Variants in HSD17B6 observed in about 807,000 individuals in gnomAD.
HSD17B6 encodes the protein hydroxysteroid 17-beta dehydrogenase 6.
HSD17B6 carries 16 observed loss-of-function variants against 26.4 expected under a neutral mutation model. That is an observed-to-expected ratio of 0.61 (90% CI 0.41 to 0.92). The LOEUF (loss-of-function observed/expected upper bound fraction) is 0.92, where lower values mean the gene tolerates loss of function less well. HSD17B6 is among the 40% of genes least tolerant of loss of function. The pLI is 0.00. For missense variants in HSD17B6, 357 were observed against 386.1 expected (o/e 0.92, Z 0.63); for synonymous variants, 139 against 153.0 (o/e 0.91, Z 0.68).
intron 4 of HSD17B6, among the ~76,000 whole-genome samples, chr12:56,786,249 G>GTTT (rs56722036): frequency 6.3e-5 from 8 of 127,134 alleles, no homozygotes; most frequent in Non-Finnish European, 8.4e-5. Context: ...TAAGTTGTGT[G>GTTT]TTTTTTTTTT....
At chr12:56,770,866 T>C (rs1252766443) in intron 1 of HSD17B6, among the ~76,000 whole-genome samples, 2 of 152,168 alleles carry the variant, frequency 1.3e-5, no homozygotes, top group African/African-American at 4.8e-5. Flanking sequence ...TGTCTAGTAC[T>C]GTATGTAATC....
chr12:56,764,886 A>G (rs1954288531), intron 1 of HSD17B6, among the ~76,000 whole-genome samples: 1 of 152,086 alleles, frequency 6.6e-6, no homozygotes, highest in Non-Finnish European at 1.5e-5. Flanking sequence ...GTGCAGTGGC[A>G]TGATCTCAGC....
chr12:56,784,014 C>T (rs1426449854), intron 3 of HSD17B6, among the ~76,000 whole-genome samples: 2 of 148,866 alleles, frequency 1.3e-5, no homozygotes, highest in African/African-American at 2.5e-5. Context: ...GCGGCTGGGC[C>T]GAGGCGCTCC....
intron 2 of HSD17B6, among the ~76,000 whole-genome samples, chr12:56,780,027 T>C (rs1407217287): frequency 6.6e-6 from 1 of 152,230 alleles, no homozygotes. Context: ...GAAGACACCA[T>C]TCCAGTCTTC....
chr12:56,784,003 C>T (rs1042216677), intron 3 of HSD17B6, among the ~76,000 whole-genome samples: 29 of 146,392 alleles, frequency 2.0e-4, no homozygotes, highest in African/African-American at 6.6e-4. Context: ...CAGACGGGGT[C>T]GCGGCTGGGC....
intron 3 of HSD17B6, among the ~76,000 whole-genome samples, chr12:56,783,722 G>A: frequency 1.4e-5 from 2 of 147,374 alleles, no homozygotes; most frequent in Non-Finnish European, 3.0e-5. Flanking sequence ...CGGACGGGAC[G>A]GCTGGCCGGG....
At chr12:56,778,499 G>A (rs1235563983) in intron 2 of HSD17B6, among the ~76,000 whole-genome samples, 2 of 151,918 alleles carry the variant, frequency 1.3e-5, no homozygotes, top group Non-Finnish European at 2.9e-5. Context: ...TGTTGGCCAG[G>A]CTGGTGACCT....
chr12:56,764,068 C>CAAAAAAAAAAAAAAAAAAAAAAGAAAA (rs1954268249), intron 1 of HSD17B6, among the ~76,000 whole-genome samples: 1 of 74,342 alleles, frequency 1.3e-5, no homozygotes, highest in African/African-American at 6.2e-5. Context: ...GACCGTGTCT[C>CAAAAAAAAAAAAAAAAAAAAAAGAAAA]AAAAAAAAAA....
At chr12:56,768,740 G>C (rs894068134) in intron 1 of HSD17B6, among the ~76,000 whole-genome samples, 10 of 124,398 alleles carry the variant, frequency 8.0e-5, no homozygotes, top group Non-Finnish European at 1.5e-4. Context: ...GAGGCAAACA[G>C]AAGGTTTGCC....
intron 4 of HSD17B6, among the ~76,000 whole-genome samples, chr12:56,785,557 A>C (rs1472329450): frequency 6.6e-6 from 1 of 152,246 alleles, no homozygotes; most frequent in African/African-American, 2.4e-5. Context: ...GATGACTATC[A>C]TGGTTGAGGA....
At chr12:56,770,260 C>G (rs575785605) in intron 1 of HSD17B6, 7 of 152,468 alleles carry the variant, frequency 4.6e-5, no homozygotes, top group Non-Finnish European at 1.0e-4. Flanking sequence ...CTTTACTTGC[C>G]TACACCCTAA....
Position 56,787,156 on chromosome 12 carries a change from T to C in HSD17B6, c.768T>C (p.Asn256=), listed in dbSNP as rs1297365740. The change falls in exon 5 of 5, where the codon AAT becomes AAC. Residue 256 remains asparagine, a synonymous_variant. Coordinates refer to ENST00000322165, the MANE Select transcript of HSD17B6 (RefSeq NM_003725.4). ...ATATCATGAAGGAAGGGCTGTTGAATTGTAGCACAAACCTGAACCTGGTCA... is the reference window on the plus strand; with the variant it reads ...ATATCATGAAGGAAGGGCTGTTGAACTGTAGCACAAACCTGAACCTGGTCA... The part of the protein sequence containing the change: ...LYNIMKEGLL[N]CSTNLNLVTD... 1.9e-5 allele frequency: 30 copies of C among 1,614,018 alleles called. No homozygotes were observed. In the Admixed American group the frequency reaches 4.7e-4, roughly 25 times the overall value.
In HSD17B6 at chr12:56,783,355, G is replaced by A. The variant is rs1350139875; in HGVS notation, c.572+1123G>A. ...TCCCTCCCGGACGGGGCGGCTGGCC[G>A]GGCAGGGGGCTGAGCCCCCCACCTC... On this transcript the variant is annotated intron_variant, in intron 3 of 4. Transcript: ENST00000322165. Among the ~76,000 whole-genome samples the A allele has an allele frequency of 8.7e-5, 11 of 126,106 alleles. 1 individual carries two copies. Among genetic ancestry groups the A allele is most frequent in the Non-Finnish European group, 1.4e-4 (8 of 57,636 alleles). 82.7% of individuals were successfully genotyped at this position (126,106 alleles called of 152,430 possible).
At position 56,774,163 on chromosome 12, in the gene HSD17B6, G is replaced by T. The variant is rs971514245; in HGVS notation, c.311G>T (p.Arg104Ile). 1 of 1,545,278 alleles carries T rather than the reference G, an allele frequency of 6.5e-7. No homozygotes were observed. The highest frequency in any genetic ancestry group is 2.3e-5 in the East Asian group (1 of 44,218). The stretch of plus-strand genomic sequence containing the variant: ...TGGGTGAAGGAGCATGTGGGGGACA[G>T]AGGTATGAAATATTTTCTCCTTTTA... ...TQWVKEHVGDRGLWGLVNNAG... is the reference protein window; with the variant it reads ...TQWVKEHVGDIGLWGLVNNAG... The change falls in exon 2 of 5, where the codon AGA (arginine) becomes ATA (isoleucine). Residue 104 changes from arginine (R) to isoleucine (I), a missense_variant and splice_region_variant. Coordinates refer to ENST00000322165, the MANE Select transcript of HSD17B6 (RefSeq NM_003725.4).
At chr12:56,768,767 C>T (rs111557405) in intron 1 of HSD17B6, among the ~76,000 whole-genome samples, 16 of 17,256 alleles carry the variant, frequency 9.3e-4, no homozygotes, top group African/African-American at 3.3e-3. Context: ...TGGCGGTGGG[C>T]GGGGGGGAGG....
intron 1 of HSD17B6, among the ~76,000 whole-genome samples, chr12:56,769,381 C>T (rs769239317): frequency 1.4e-4 from 22 of 152,196 alleles, no homozygotes; most frequent in Admixed American, 2.6e-4. Flanking sequence ...GGATTACAGG[C>T]GTGAGCCACC....
intron 1 of HSD17B6, among the ~76,000 whole-genome samples, chr12:56,769,933 G>A (rs985688287): frequency 1.3e-5 from 2 of 152,312 alleles, no homozygotes; most frequent in South Asian, 2.1e-4. Context: ...GAAACTGTGA[G>A]GGCCAAGCTT....
At chr12:56,774,906 T>G (rs566943258) in intron 2 of HSD17B6, among the ~76,000 whole-genome samples, 1 of 152,340 alleles carries the variant, frequency 6.6e-6, no homozygotes, top group South Asian at 2.1e-4. Context: ...CTGTGTGGCC[T>G]GGTTTCTAAC....
At chr12:56,782,967 C>T (rs1359730962) in intron 3 of HSD17B6, among the ~76,000 whole-genome samples, 15 of 152,212 alleles carry the variant, frequency 9.9e-5, no homozygotes, top group Admixed American at 6.5e-5. Flanking sequence ...GTTAAGGTCA[C>T]AGATCAACAG....
Sources: allele counts gnomAD v4.1 joint callset (sites outside exome capture counted in the v4.1 genomes callset), GRCh38; gene constraint gnomAD v4.1.1; transcripts MANE v1.5; gene names NCBI Gene and HGNC (gene_info 2026-07-23, HGNC 2026-07-21).